The following HACL2 variants were observed in gnomAD, a reference collection of about 807,000 sequenced individuals.
HACL2 encodes the protein 2-hydroxyacyl-CoA lyase 1 like.
the HACL2 span, chr19:15,125,046 G>C: frequency 6.4e-7 from 1 of 1,554,494 alleles, no homozygotes; most frequent in Admixed American, 2.0e-5. Flanking sequence ...GGCGGCGGCC[G>C]CGGGGGTCTC....
chr19:15,124,635 G>A, the HACL2 span: 3 of 455,440 alleles, frequency 6.6e-6, no homozygotes, highest in African/African-American at 2.1e-5. Flanking sequence ...AGGGAGCACA[G>A]AGTGCTGTCC....
the HACL2 span, chr19:15,118,011 A>T: frequency 7.9e-5 from 127 of 1,614,002 alleles, no homozygotes; most frequent in Non-Finnish European, 1.0e-4. Flanking sequence ...AGTCACACAC[A>T]GTTCCTGGTG....
the HACL2 span, chr19:15,115,398 G>A: frequency 6.8e-5 from 110 of 1,613,748 alleles, no homozygotes; most frequent in Middle Eastern, 9.9e-4. Context: ...AGCAAGCCCC[G>A]GGCCCCCAGA....
At chr19:15,116,412 A>T in the HACL2 span, 1 of 1,613,948 alleles carries the variant, frequency 6.2e-7, no homozygotes, top group Non-Finnish European at 8.5e-7. Context: ...CCCCACCGAA[A>T]GGTCTGCTCC....
chr19:15,116,989 C>T, the HACL2 span: 11 of 176,028 alleles, frequency 6.2e-5, no homozygotes, highest in Non-Finnish European at 1.3e-4. Flanking sequence ...GAGGCTCTGC[C>T]GCTGTTCATC....
At chr19:15,120,307 C>G in the HACL2 span, among the ~76,000 whole-genome samples, 1 of 152,238 alleles carries the variant, frequency 6.6e-6, no homozygotes, top group Admixed American at 6.5e-5. Flanking sequence ...ACGTAGCCCC[C>G]CAGAAGCAAG....
chr19:15,120,323 C>G, the HACL2 span, among the ~76,000 whole-genome samples: 1 of 152,166 alleles, frequency 6.6e-6, no homozygotes, highest in African/African-American at 2.4e-5. Context: ...GCAAGGAACG[C>G]AGGCTCAGCA....
At chr19:15,116,657 GAAAA>G in the HACL2 span, 2 of 667,438 alleles carry the variant, frequency 3.0e-6, no homozygotes, top group African/African-American at 3.6e-5. Flanking sequence ...GGTGCTCCTA[GAAAA>G]AAAACAGGTG....
the HACL2 span, chr19:15,119,412 T>A: frequency 2.5e-6 from 4 of 1,614,006 alleles, no homozygotes; most frequent in Non-Finnish European, 3.4e-6. Flanking sequence ...GGCTGGCGCT[T>A]CTCACCGAAG....
At chr19:15,117,194 A>G in the HACL2 span, 1 of 153,554 alleles carries the variant, frequency 6.5e-6, no homozygotes, top group Non-Finnish European at 1.4e-5. Flanking sequence ...CCTCAGAATG[A>G]TGAACCAAGT....
the HACL2 span, chr19:15,118,085 G>A: frequency 3.8e-6 from 6 of 1,593,462 alleles, no homozygotes; most frequent in Non-Finnish European, 4.3e-6. Flanking sequence ...CCACTGTGGT[G>A]GACTGGATGC....
chr19:15,119,523 G>A, the HACL2 span: 49 of 1,609,646 alleles, frequency 3.0e-5, no homozygotes, highest in East Asian at 6.5e-4. Flanking sequence ...AACCTGGAGC[G>A]AGAGGTGGGG....
At chr19:15,122,958 G>A in the HACL2 span, 26 of 1,604,154 alleles carry the variant, frequency 1.6e-5, no homozygotes, top group Admixed American at 2.7e-4. This position sits in a 1 kb window ranked among gnomAD's most constrained non-coding sequence, Gnocchi z 4.0. Context: ...CGCACCCTCC[G>A]CACAGACACA....
chr19:15,119,482 T>A, the HACL2 span: 2 of 1,613,946 alleles, frequency 1.2e-6, no homozygotes, highest in African/African-American at 2.7e-5. Flanking sequence ...AGAGGCCTCT[T>A]GGCCCGGCTC....
the HACL2 span, chr19:15,116,261 C>T: frequency 1.9e-5 from 30 of 1,613,936 alleles, no homozygotes; most frequent in Non-Finnish European, 2.4e-5. Context: ...GCGTTTCCTC[C>T]ACCAGCTGCA....
At chr19:15,115,519 G>A in the HACL2 span, 9 of 1,600,822 alleles carry the variant, frequency 5.6e-6, no homozygotes, top group East Asian at 2.0e-4. Flanking sequence ...GCCCAGCTGG[G>A]ACTGAAACAG....
chr19:15,116,945 T>C, the HACL2 span: 1 of 180,796 alleles, frequency 5.5e-6, no homozygotes, highest in African/African-American at 2.4e-5. Context: ...ACCACCCCAT[T>C]TTTCAAATGA....
chr19:15,119,284 C>G, the HACL2 span: 1 of 1,606,982 alleles, frequency 6.2e-7, no homozygotes, highest in Admixed American at 1.7e-5. Flanking sequence ...AGGGAACACC[C>G]AAGGTCTCCA....
the HACL2 span, chr19:15,124,890 TGCCCCCA>T: frequency 6.3e-7 from 1 of 1,576,492 alleles, no homozygotes; most frequent in Middle Eastern, 2.1e-4. Context: ...CCTCTTTGAC[TGCCCCCA>T]GCCCACCTCC....
Sources: allele counts gnomAD v4.1 joint callset (sites outside exome capture counted in the v4.1 genomes callset), GRCh38; gene constraint gnomAD v4.1.1; non-coding constraint Gnocchi (gnomAD v3.1); transcripts MANE v1.5; gene names NCBI Gene and HGNC (gene_info 2026-07-23, HGNC 2026-07-21).